Variants in AMOTL1 observed in about 807,000 individuals in gnomAD.
AMOTL1 encodes angiomotin-like protein 1.
In AMOTL1, 45 loss-of-function variants were observed where a neutral mutation model predicts 102.9. The ratio of observed to expected loss-of-function variants is 0.44; its 90% CI spans 0.34 to 0.56. The LOEUF (loss-of-function observed/expected upper bound fraction) is 0.56. Among genes scored for constraint, AMOTL1 ranks in the 20% least tolerant of loss-of-function variants. The pLI, the probability that AMOTL1 is intolerant of heterozygous loss-of-function variation, is 0.01. For missense variants in AMOTL1, 1,114 were observed against 1,225.6 expected, an observed-to-expected ratio of 0.91 and a Z score of 1.36; for synonymous variants, 481 against 484.7, an observed-to-expected ratio of 0.99 and a Z score of 0.10.
intron 11 of AMOTL1, chr11:94,866,438 A>G (rs1266642900): frequency 1.1e-5 from 5 of 461,004 alleles, no homozygotes; most frequent in South Asian, 4.4e-5. Flanking sequence ...TGACCCTTAT[A>G]ACACAAAAGG....
intron 6 of AMOTL1, among the ~76,000 whole-genome samples, chr11:94,833,071 G>A (rs1437834842): frequency 1.3e-5 from 2 of 152,204 alleles, no homozygotes; most frequent in African/African-American, 2.4e-5. Context: ...CAAGCAAAGA[G>A]GCCCTTCCAG....
At chr11:94,744,200 A>C (rs1223156869) in intron 3 of AMOTL1, among the ~76,000 whole-genome samples, 1 of 152,216 alleles carries the variant, frequency 6.6e-6, no homozygotes, top group Non-Finnish European at 1.5e-5. Flanking sequence ...TTGGCTACAA[A>C]TCAGGGCTTC....
chr11:94,753,950 A>G (rs58063947), intron 3 of AMOTL1, among the ~76,000 whole-genome samples: 14,714 of 152,186 alleles, frequency 0.097, 1,449 homozygotes, highest in East Asian at 0.28. Context: ...TAACAGGAAC[A>G]TTTACAACGT....
chr11:94,795,518 T>C (rs1420608209), intron 2 of AMOTL1, among the ~76,000 whole-genome samples: 2 of 152,208 alleles, frequency 1.3e-5, no homozygotes, highest in East Asian at 3.9e-4. Flanking sequence ...TATCTCTTTT[T>C]GCAAATAATT....
chr11:94,750,522 A>C (rs1950639896), intron 3 of AMOTL1, among the ~76,000 whole-genome samples: 1 of 152,032 alleles, frequency 6.6e-6, no homozygotes, highest in Non-Finnish European at 1.5e-5. Flanking sequence ...ACAAGCCTAC[A>C]CCTGTCCTAG....
intron 8 of AMOTL1, among the ~76,000 whole-genome samples, chr11:94,858,010 AG>A (rs770397411): frequency 6.6e-6 from 1 of 152,112 alleles, no homozygotes; most frequent in Non-Finnish European, 1.5e-5. Flanking sequence ...GACCTGAATT[AG>A]GGGGGGCTAT....
Position 94,806,930 on chromosome 11 carries a change from G to T in AMOTL1, c.1121+6619G>T, listed in dbSNP as rs548740004. 2.2e-3 allele frequency among the ~76,000 whole-genome samples: 335 copies of T among 152,170 alleles called. 2 individuals carry two copies. Among genetic ancestry groups the T allele is most frequent in the African/African-American group, 7.9e-3 (327 of 41,512 alleles). On this transcript the variant is annotated intron_variant, in intron 3 of 12. Coordinates refer to ENST00000433060, the MANE Select transcript of AMOTL1 (RefSeq NM_130847.3). ...TGAGTTTGGAAAAAAAATTTCAGGG[G>T]GTTTGGGTTCTGGCTCTTCCTTCCG...
chr11:94,862,245 T>C (rs1952789549), intron 9 of AMOTL1, among the ~76,000 whole-genome samples: 1 of 152,136 alleles, frequency 6.6e-6, no homozygotes. Flanking sequence ...GCTCCAATCT[T>C]AATGTTCTTT....
chr11:94,807,617 A>G (rs1951588636), intron 3 of AMOTL1, among the ~76,000 whole-genome samples: 1 of 152,150 alleles, frequency 6.6e-6, no homozygotes, highest in South Asian at 2.1e-4. Context: ...TCCTTTTGTA[A>G]TAGTTCCTTC....
intron 6 of AMOTL1, among the ~76,000 whole-genome samples, chr11:94,848,097 T>C (rs1465691489): frequency 6.6e-6 from 1 of 152,182 alleles, no homozygotes; most frequent in Non-Finnish European, 1.5e-5. Context: ...ATTGAGATGT[T>C]GTCCAAACCT....
At chr11:94,768,620 C>T (rs1950892315) in intron 1 of AMOTL1, 60 bp downstream of exon 1, 5 of 1,555,050 alleles carry the variant, frequency 3.2e-6, no homozygotes, top group South Asian at 1.2e-5. Flanking sequence ...CGCGAAGAAC[C>T]CAGTCGCCCC....
At chr11:94,838,235 G>A (rs978568864) in intron 6 of AMOTL1, among the ~76,000 whole-genome samples, 9 of 152,228 alleles carry the variant, frequency 5.9e-5, no homozygotes, top group African/African-American at 1.9e-4. Context: ...TCACATTGGA[G>A]TCCCAACTCA....
chr11:94,819,724 G>A (rs942268131), intron 3 of AMOTL1, among the ~76,000 whole-genome samples: 1 of 152,188 alleles, frequency 6.6e-6, no homozygotes, highest in Non-Finnish European at 1.5e-5. Flanking sequence ...TTGGGTAGAT[G>A]TGGTCATGAC....
Position 94,734,875 on chromosome 11 carries a change from G to A in AMOTL1, c.85+5820G>A, listed in dbSNP as rs1015802616. ...TTTCCTTGGGGGCTGGGGATGGGAA[G>A]GCCATACACACATCCTAGTGGGCCC... On this transcript the variant is annotated intron_variant, in intron 2 of 4. Coordinates refer to the AMOTL1 transcript ENST00000299004. 2.6e-5 allele frequency among the ~76,000 whole-genome samples: 4 copies of A among 152,184 alleles called. No homozygotes were observed. The East Asian group carries it at 7.7e-4, about 29-fold the overall frequency.
At chr11:94,832,696 A>G (rs1952097937) in intron 6 of AMOTL1, among the ~76,000 whole-genome samples, 1 of 152,194 alleles carries the variant, frequency 6.6e-6, no homozygotes, top group African/African-American at 2.4e-5. Context: ...TGTGGGTGCA[A>G]TAGATCTCAC....
At chr11:94,848,520 C>T (rs995039507) in intron 6 of AMOTL1, among the ~76,000 whole-genome samples, 1 of 152,042 alleles carries the variant, frequency 6.6e-6, no homozygotes, top group East Asian at 1.9e-4. Flanking sequence ...CTGATCCCAT[C>T]GACATAATTC....
upstream of AMOTL1, among the ~76,000 whole-genome samples, chr11:94,763,694 TAAG>T (rs1338849518): frequency 6.6e-6 from 1 of 152,196 alleles, no homozygotes; most frequent in Non-Finnish European, 1.5e-5. Context: ...AAAATGTTAT[TAAG>T]AAAATCACAA....
chr11:94,718,161 T>C (rs765636616), intron 1 of AMOTL1, among the ~76,000 whole-genome samples: 8 of 151,940 alleles, frequency 5.3e-5, no homozygotes, highest in Non-Finnish European at 8.8e-5. Context: ...AGTGTACATG[T>C]GTATCTTTCT....
At chr11:94,721,552 T>A (rs1950174446) in intron 1 of AMOTL1, among the ~76,000 whole-genome samples, 1 of 152,074 alleles carries the variant, frequency 6.6e-6, no homozygotes, top group Non-Finnish European at 1.5e-5. Context: ...GGTATCCTTA[T>A]AAGAACTAGG....
Sources: allele counts gnomAD v4.1 joint callset (sites outside exome capture counted in the v4.1 genomes callset), GRCh38; gene constraint gnomAD v4.1.1; transcripts MANE v1.5; gene names NCBI Gene and HGNC (gene_info 2026-07-23, HGNC 2026-07-21).